The following PPM1A variants were observed in gnomAD, a reference collection of about 807,000 sequenced individuals.
PPM1A encodes protein phosphatase, Mg2+/Mn2+ dependent 1A, also known as protein phosphatase 1A.
A neutral mutation model predicts 35.0 loss-of-function variants in PPM1A; 7 were observed. The ratio of observed to expected loss-of-function variants is 0.20; its 90% CI spans 0.11 to 0.38. The LOEUF (loss-of-function observed/expected upper bound fraction) is 0.38. Among genes scored for constraint, PPM1A ranks in the 10% least tolerant of loss-of-function variants. PPM1A has a pLI of 1.00. For synonymous variants in PPM1A, 153 were observed against 167.3 expected (o/e 0.91, Z 0.66); for missense variants, 239 against 467.8 (o/e 0.51, Z 4.51).
At chr14:60,261,364 G>A (rs577187288) in intron 1 of PPM1A, among the ~76,000 whole-genome samples, 1 of 152,202 alleles carries the variant, frequency 6.6e-6, no homozygotes, top group South Asian at 2.1e-4. Context: ...ATAAAACATA[G>A]GTAAAATATT....
upstream of PPM1A, among the ~76,000 whole-genome samples, chr14:60,246,768 G>A (rs1881809785): frequency 6.6e-6 from 1 of 152,126 alleles, no homozygotes; most frequent in African/African-American, 2.4e-5. Flanking sequence ...GAGTTTCCTA[G>A]TTCATACCAA....
At chr14:60,252,765 T>C (rs184030046) in intron 1 of PPM1A, among the ~76,000 whole-genome samples, 66 of 152,328 alleles carry the variant, frequency 4.3e-4, no homozygotes, top group African/African-American at 1.5e-3. Context: ...TTATATTCTT[T>C]ACCCTTCACT....
chr14:60,270,898 G>C (rs189509764), intron 1 of PPM1A, among the ~76,000 whole-genome samples: 10 of 152,308 alleles, frequency 6.6e-5, no homozygotes, highest in Non-Finnish European at 2.9e-5. Context: ...TTTCCCAACA[G>C]AAGAACTTGA....
chr14:60,261,051 A>T (rs533475847), intron 1 of PPM1A, among the ~76,000 whole-genome samples: 3 of 149,816 alleles, frequency 2.0e-5, no homozygotes, highest in South Asian at 4.2e-4. Flanking sequence ...CGAAAATACC[A>T]CTTAAGTCTT....
At chr14:60,251,433 T>C (rs755591158) in intron 1 of PPM1A, among the ~76,000 whole-genome samples, 72 of 152,200 alleles carry the variant, frequency 4.7e-4, no homozygotes, top group Admixed American at 1.6e-3. Context: ...GGCTGAGGTA[T>C]ATGACCTGTT....
At chr14:60,287,560 C>T in intron 3 of PPM1A, 8 of 985,104 alleles carry the variant, frequency 8.1e-6, no homozygotes, top group Non-Finnish European at 9.6e-6. Flanking sequence ...TTTTTCTTTT[C>T]TCTCTCTCTT....
intron 4 of PPM1A, among the ~76,000 whole-genome samples, chr14:60,290,822 A>G (rs986000380): frequency 1.3e-5 from 2 of 152,090 alleles, no homozygotes; most frequent in African/African-American, 4.8e-5. Context: ...GATCTATAAA[A>G]TTGCTTCAAG....
At chr14:60,265,810 A>T (rs1164143553) in intron 1 of PPM1A, among the ~76,000 whole-genome samples, 1 of 152,226 alleles carries the variant, frequency 6.6e-6, no homozygotes, top group Non-Finnish European at 1.5e-5. Flanking sequence ...CGATTTTACC[A>T]GGAACTCACT....
In PPM1A at chr14:60,258,840, A is replaced by G. The variant is rs149993082; in HGVS notation, c.-21+9163A>G. Among the ~76,000 whole-genome samples, 298 of 152,250 alleles carry G rather than the reference A, an allele frequency of 2.0e-3. 1 individual carries two copies. Among genetic ancestry groups the G allele is most frequent in the African/African-American group, 6.7e-3 (277 of 41,578 alleles). The stretch of plus-strand genomic sequence containing the variant: ...CATGTGTTAAATATGAACAAAAAAG[A>G]CATAATCTCTTTCCTCCTGGATCTT... On this transcript the variant is annotated intron_variant, in intron 1 of 5. Transcript: ENST00000395076.
chr14:60,266,742 C>G (rs1013481323), intron 1 of PPM1A, among the ~76,000 whole-genome samples: 1 of 152,096 alleles, frequency 6.6e-6, no homozygotes, highest in Non-Finnish European at 1.5e-5. Context: ...TCAGGTATTG[C>G]AGATTCTCAT....
chr14:60,294,165 G>T lies in PPM1A; in HGVS notation c.*1683G>T, dbSNP rs1162040155. On this transcript the variant is annotated 3_prime_UTR_variant, in exon 6 of 6. Coordinates refer to ENST00000395076, the MANE Select transcript of PPM1A (RefSeq NM_021003.5). ...TTGTATATATAGCCTTAAAATTAAT[G>T]TAAAGTTAGGGGAGTAGTGGGGAAA... 1 of 151,850 alleles carries T rather than the reference G, an allele frequency of 6.6e-6. No individual in the cohort carries two copies. Among genetic ancestry groups the T allele is most frequent in the African/African-American group, 2.4e-5 (1 of 41,398 alleles). 9.4% of individuals were successfully genotyped at this position (151,850 alleles called of 1,614,324 possible).
At chr14:60,291,318 T>G in intron 4 of PPM1A, 79 bp from the exon 5 acceptor site, 1 of 1,013,470 alleles carries the variant, frequency 9.9e-7, no homozygotes, top group Non-Finnish European at 1.4e-6. Flanking sequence ...TTAGAAATTT[T>G]AATAAACACC....
At position 60,289,116 on chromosome 14, in the gene PPM1A, G is replaced by A. The variant is rs1189539592; in HGVS notation, c.953-690G>A. Among the ~76,000 whole-genome samples, 1 of 151,938 alleles carries A rather than the reference G, an allele frequency of 6.6e-6. No individual in the cohort carries two copies. Among genetic ancestry groups the A allele is most frequent in the Non-Finnish European group, 1.5e-5 (1 of 67,934 alleles). The stretch of plus-strand genomic sequence containing the variant: ...ATGCAGTTGTATGGTTTATCAAATG[G>A]TTCTCTTTTTAAACATTTTATAAGG... On this transcript the variant is annotated intron_variant, in intron 3 of 5. Coordinates refer to ENST00000395076, the MANE Select transcript of PPM1A (RefSeq NM_021003.5). This position sits in a 1 kb window ranked among gnomAD's most constrained non-coding sequence, Gnocchi z 4.1.
chr14:60,288,625 A>G (rs1041238430), intron 3 of PPM1A: 1 of 852,090 alleles, frequency 1.2e-6, no homozygotes, highest in Non-Finnish European at 1.4e-6. Flanking sequence ...AATAGATGGT[A>G]AAAATTTGGC....
Position 60,282,136 on chromosome 14 carries a change from A to G in PPM1A, c.-20-548A>G, listed in dbSNP as rs1886473609. Among the ~76,000 whole-genome samples the G allele has an allele frequency of 6.6e-6, 1 of 152,250 alleles. No homozygotes were observed. Among genetic ancestry groups the G allele is most frequent in the Non-Finnish European group, 1.5e-5 (1 of 68,044 alleles). On this transcript the variant is annotated intron_variant, in intron 1 of 5. Coordinates refer to ENST00000395076, the MANE Select transcript of PPM1A (RefSeq NM_021003.5). This position sits in a 1 kb window ranked among gnomAD's most constrained non-coding sequence, Gnocchi z 5.1. The stretch of plus-strand genomic sequence containing the variant: ...AGAGTTTCCAGTTAAGGAAACTGAC[A>G]TGAGCAAAGGCTTGAAGGAGCATGC...
intron 1 of PPM1A, among the ~76,000 whole-genome samples, chr14:60,280,099 A>G (rs1045249938): frequency 1.3e-5 from 2 of 152,070 alleles, no homozygotes; most frequent in African/African-American, 2.4e-5. Context: ...CTCTGCCTCC[A>G]GGTTCAAGCC....
intron 1 of PPM1A, among the ~76,000 whole-genome samples, chr14:60,258,360 A>G (rs1883373265): frequency 6.6e-6 from 1 of 152,118 alleles, no homozygotes; most frequent in South Asian, 2.1e-4. Context: ...AAAACTTTAG[A>G]AAAAGTTCAT....
intron 1 of PPM1A, among the ~76,000 whole-genome samples, chr14:60,270,053 G>A (rs535441841): frequency 1.3e-5 from 2 of 152,064 alleles, no homozygotes; most frequent in African/African-American, 4.8e-5. Context: ...TATTTACAAT[G>A]TGCTAATTGA....
chr14:60,263,550 C>T (rs1306434396), intron 1 of PPM1A, among the ~76,000 whole-genome samples: 1 of 152,066 alleles, frequency 6.6e-6, no homozygotes, highest in African/African-American at 2.4e-5. Context: ...CAAAGGTGTG[C>T]ATATGCTTGT....
Sources: allele counts gnomAD v4.1 joint callset (sites outside exome capture counted in the v4.1 genomes callset), GRCh38; gene constraint gnomAD v4.1.1; non-coding constraint Gnocchi (gnomAD v3.1); transcripts MANE v1.5; gene names NCBI Gene and HGNC (gene_info 2026-07-23, HGNC 2026-07-21).